The following ADCY2 variants were observed in gnomAD, a reference collection of about 807,000 sequenced individuals.
The protein encoded by ADCY2 is adenylate cyclase 2.
A neutral mutation model predicts 125.2 loss-of-function variants in ADCY2; 31 were observed. The observed-to-expected ratio is 0.25, with a 90% CI of 0.19 to 0.33. The LOEUF is 0.33. Ranked by LOEUF, ADCY2 falls within the 10% of genes least tolerant of loss-of-function variation. ADCY2 has a pLI of 1.00. For missense variants in ADCY2, 904 were observed against 1,418.2 expected (o/e 0.64, Z 5.82); for synonymous variants, 512 against 548.4 (o/e 0.93, Z 0.93).
chr5:7,595,406 G>A (rs1433952023), intron 3 of ADCY2, among the ~76,000 whole-genome samples: 1 of 152,078 alleles, frequency 6.6e-6, no homozygotes, highest in African/African-American at 2.4e-5. Flanking sequence ...CTATTTTGGA[G>A]CATTTAAATC....
chr5:7,644,862 C>T (rs1458292509), intron 4 of ADCY2, among the ~76,000 whole-genome samples: 2 of 152,146 alleles, frequency 1.3e-5, no homozygotes, highest in East Asian at 3.9e-4. Context: ...CAAATTCTTG[C>T]CATACAGTAG....
intron 4 of ADCY2, among the ~76,000 whole-genome samples, chr5:7,652,746 C>A (rs1739141420): frequency 6.6e-6 from 1 of 152,198 alleles, no homozygotes; most frequent in Admixed American, 6.5e-5. Context: ...CATGCTAAGA[C>A]AACCTGGTGA....
chr5:7,782,657 T>C (rs1743954802), intron 18 of ADCY2, among the ~76,000 whole-genome samples: 1 of 152,228 alleles, frequency 6.6e-6, no homozygotes, highest in African/African-American at 2.4e-5. Flanking sequence ...TAATGTGATA[T>C]TCACAAAGCA....
At chr5:7,758,231 C>A (rs1408004632) in intron 16 of ADCY2, among the ~76,000 whole-genome samples, 1 of 152,216 alleles carries the variant, frequency 6.6e-6, no homozygotes, top group Non-Finnish European at 1.5e-5. Flanking sequence ...ACACTTAGGA[C>A]AGTCCTGGCC....
intron 17 of ADCY2, among the ~76,000 whole-genome samples, chr5:7,768,716 C>T (rs1743468792): frequency 6.6e-6 from 1 of 152,134 alleles, no homozygotes; most frequent in South Asian, 2.1e-4. Flanking sequence ...GGAAAGGCAA[C>T]ATTTACTCAA....
At chr5:7,804,408 G>A (rs991453452) in intron 21 of ADCY2, among the ~76,000 whole-genome samples, 177 bp from the exon 22 acceptor site, 5 of 152,198 alleles carry the variant, frequency 3.3e-5, no homozygotes, top group African/African-American at 9.7e-5. Flanking sequence ...GACATGCGCT[G>A]TATGAAATAC....
intron 3 of ADCY2, among the ~76,000 whole-genome samples, chr5:7,572,340 C>T (rs1334835421): frequency 6.6e-6 from 1 of 152,002 alleles, no homozygotes; most frequent in African/African-American, 2.4e-5. Flanking sequence ...TTAATAGTAG[C>T]CATTCTGAAT....
At chr5:7,779,686 A>C (rs1743854151) in intron 18 of ADCY2, among the ~76,000 whole-genome samples, 1 of 152,088 alleles carries the variant, frequency 6.6e-6, no homozygotes, top group Non-Finnish European at 1.5e-5. Flanking sequence ...CAGCACTGGC[A>C]TGTCTGGCTT....
chr5:7,511,096 C>T (rs1744039394), intron 2 of ADCY2, among the ~76,000 whole-genome samples: 1 of 152,140 alleles, frequency 6.6e-6, no homozygotes, highest in South Asian at 2.1e-4. Context: ...TTCCTTCTTT[C>T]AGCAAATCTT....
Position 7,827,041 on chromosome 5 carries a change from C to T in ADCY2, c.*170C>T, listed in dbSNP as rs1745504887. 1 of 784,270 alleles carries T rather than the reference C, an allele frequency of 1.3e-6. No individual in the cohort carries two copies. Among genetic ancestry groups the T allele is most frequent in the Non-Finnish European group, 2.0e-6 (1 of 510,820 alleles). The allele number at this position is 784,270 out of a possible 1,614,324, so 48.6% of individuals were successfully genotyped here. On this transcript the variant is annotated 3_prime_UTR_variant, in exon 25 of 25. Transcript: ENST00000338316. Reference sequence around the variant, plus strand: ...ATACCGTTTGGTGTCTGATGTGTGCCCAGATCGTTCTGCCACTTGCACTGT... The same window carrying T: ...ATACCGTTTGGTGTCTGATGTGTGCTCAGATCGTTCTGCCACTTGCACTGT...
intron 3 of ADCY2, among the ~76,000 whole-genome samples, chr5:7,602,416 T>A (rs921376848): frequency 6.6e-6 from 1 of 152,196 alleles, no homozygotes; most frequent in African/African-American, 2.4e-5. Flanking sequence ...CACTCCAGGA[T>A]GTCTTTCCCA....
chr5:7,484,159 C>A (rs183849169), intron 2 of ADCY2, among the ~76,000 whole-genome samples: 3 of 152,200 alleles, frequency 2.0e-5, no homozygotes, highest in Admixed American at 6.5e-5. Flanking sequence ...TATAATGTCC[C>A]AAGCTTTTAT....
At chr5:7,807,757 T>C (rs1744799080) in intron 22 of ADCY2, among the ~76,000 whole-genome samples, 1 of 152,110 alleles carries the variant, frequency 6.6e-6, no homozygotes, top group Admixed American at 6.5e-5. Context: ...CTTCTTGTCC[T>C]CCCCACTTTG....
intron 3 of ADCY2, among the ~76,000 whole-genome samples, chr5:7,612,819 A>G (rs1031592786): frequency 6.6e-6 from 1 of 152,164 alleles, no homozygotes; most frequent in African/African-American, 2.4e-5. Flanking sequence ...GATCGAGACC[A>G]TCATGGCTAA....
chr5:7,697,705 T>C (rs1740939766), intron 6 of ADCY2, among the ~76,000 whole-genome samples: 1 of 152,254 alleles, frequency 6.6e-6, no homozygotes, highest in African/African-American at 2.4e-5. Flanking sequence ...AATTAAGTTT[T>C]AAATTACTTG....
At chr5:7,762,592 TGA>T (rs1743257861) in intron 16 of ADCY2, among the ~76,000 whole-genome samples, 1 of 152,226 alleles carries the variant, frequency 6.6e-6, no homozygotes, top group Admixed American at 6.5e-5. Context: ...AGGATGTGAG[TGA>T]AACCTAGTCT....
intron 13 of ADCY2, among the ~76,000 whole-genome samples, chr5:7,725,807 T>G (rs1741911676): frequency 6.6e-6 from 1 of 152,216 alleles, no homozygotes; most frequent in Non-Finnish European, 1.5e-5. Flanking sequence ...TTCATGAGCA[T>G]GGAAATTATG....
chr5:7,618,902 T>G (rs1442718054), intron 3 of ADCY2, among the ~76,000 whole-genome samples: 1 of 152,184 alleles, frequency 6.6e-6, no homozygotes, highest in Non-Finnish European at 1.5e-5. Context: ...TTCTAAGTTT[T>G]TGAAAAGCAT....
Position 7,829,312 on chromosome 5 carries a change from G to A in ADCY2, c.*2441G>A. 6.5e-6 allele frequency: 1 copy of A among 152,682 alleles called. No homozygotes were observed. The highest frequency in any genetic ancestry group is 1.9e-4 in the East Asian group (1 of 5,196). 9.5% of individuals were successfully genotyped at this position (152,682 alleles called of 1,614,324 possible). A position where few individuals can be genotyped will look rare whatever the true frequency, so the allele number is the denominator to read the frequency against. ...TCCCTCCCTCCCCAGTGTTTTTGCA[G>A]GTGAGGAAACAGGGGCAGAGTAATT... On this transcript the variant is annotated 3_prime_UTR_variant, in exon 25 of 25. Coordinates refer to ENST00000338316, the MANE Select transcript of ADCY2 (RefSeq NM_020546.3).
Sources: gnomAD v4.1 joint callset for allele counts (sites outside exome capture counted in the v4.1 genomes callset) on GRCh38, gnomAD v4.1.1 for gene constraint, MANE v1.5 for transcripts, NCBI Gene and HGNC (gene_info 2026-07-23, HGNC 2026-07-21) for gene names.